TMEM223: variants seen among roughly 807,000 people sequenced by gnomAD.
TMEM223 encodes transmembrane protein 223.
TMEM223 carries 14 observed loss-of-function variants against 14.1 expected under a neutral mutation model. The ratio of observed to expected loss-of-function variants is 0.99; its 90% CI spans 0.66 to 1.55. The LOEUF (loss-of-function observed/expected upper bound fraction) is 1.55, where lower values mean the gene tolerates loss of function less well. TMEM223 is among the 40% of genes most tolerant of loss of function. The pLI is 0.00. For missense variants in TMEM223, 346 were observed against 269.9 expected (o/e 1.28, Z -1.97); for synonymous variants, 145 against 120.5 (o/e 1.20, Z -1.33).
At position 62,777,007 on chromosome 11, in the gene TMEM223, C is replaced by T. The variant is rs1334932822; in HGVS notation, c.315-2342G>A. Among the ~76,000 whole-genome samples the T allele has an allele frequency of 3.9e-5, 6 of 151,974 alleles. No homozygotes were observed. In the East Asian group the frequency reaches 5.8e-4, roughly 15 times the overall value. ...ACTAAAAATACAAAAATTAGCTGGC[C>T]GTGGCGGTGGGCGCCTGTAACCCCA... On this transcript the variant is annotated intron_variant, in intron 1 of 2. Transcript: ENST00000528367.
chr11:62,786,505 T>C (rs757328404), downstream of TMEM223: 18 of 1,564,978 alleles, frequency 1.2e-5, no homozygotes, highest in Non-Finnish European at 1.6e-5. Context: ...TCTTAGTCCT[T>C]GGCTCTTACA....
chr11:62,782,133 C>T (rs940505482), intron 1 of TMEM223: 6 of 1,610,682 alleles, frequency 3.7e-6, no homozygotes, highest in Non-Finnish European at 5.1e-6. Context: ...TAAGCCATGA[C>T]CTGGAGCAAC....
At chr11:62,787,263 G>C, downstream of TMEM223, 1 of 1,561,740 alleles carries the variant, frequency 6.4e-7, no homozygotes, top group South Asian at 1.1e-5. Context: ...GCCGGTGGGC[G>C]CTCTCGGACT....
chr11:62,789,745 G>GTATT, downstream of TMEM223: 4 of 1,505,488 alleles, frequency 2.7e-6, no homozygotes, highest in South Asian at 5.2e-5. Flanking sequence ...GCTCACCAGT[G>GTATT]TATTGTGAGC....
chr11:62,791,744 C>G lies in TMEM223; in HGVS notation c.251G>C (p.Arg84Pro). ...VQPLDAEVPNRGPFDLRSALW... is the reference protein window; with the variant it reads ...VQPLDAEVPNPGPFDLRSALW... ...CGCGGAGCGCAGGTCGAAGGGGCCA[C>G]GATTTGGGACCTCCGCATCCAGAGG... Residue 84 changes from arginine to proline, a missense_variant, in exon 1 of 2, where the codon CGT (arginine) becomes CCT (proline). Coordinates refer to ENST00000307366, the MANE Select transcript of TMEM223 (RefSeq NM_001080501.3). 6.4e-7 allele frequency: 1 copy of G among 1,561,882 alleles called. No homozygotes were observed. The highest frequency in any genetic ancestry group is 8.7e-7 in the Non-Finnish European group (1 of 1,153,578).
At chr11:62,789,393 G>T, downstream of TMEM223, 1 of 1,613,884 alleles carries the variant, frequency 6.2e-7, no homozygotes, top group Non-Finnish European at 8.5e-7. Context: ...AGGTCTCTCT[G>T]CAACTCCATC....
At chr11:62,784,758 C>G (rs2134723498), downstream of TMEM223, among the ~76,000 whole-genome samples, 1 of 152,276 alleles carries the variant, frequency 6.6e-6, no homozygotes, top group African/African-American at 2.4e-5. Context: ...CCATGATACA[C>G]TAAACTATGT....
downstream of TMEM223, chr11:62,787,674 G>A: frequency 9.3e-7 from 1 of 1,075,888 alleles, no homozygotes; most frequent in South Asian, 1.6e-5. Context: ...TACCTGAAAT[G>A]CAGCGAGGCT....
chr11:62,790,153 TGGG>T lies in TMEM223; in HGVS notation c.*467_*469del. 2.1e-6 allele frequency: 1 copy of T among 482,490 alleles called. No homozygotes were observed. Among genetic ancestry groups the T allele is most frequent in the Non-Finnish European group, 3.3e-6 (1 of 305,348 alleles). 29.9% of individuals were successfully genotyped at this position (482,490 alleles called of 1,614,324 possible). ...TTGGGAGTCTTAGTTTTCCTTTCGT[TGGG>T]GGGTGGGGGGGAAACATAATGACAG... On this transcript the variant is annotated 3_prime_UTR_variant, in exon 2 of 2. Transcript: ENST00000307366.
At position 62,790,868 on chromosome 11, in the gene TMEM223, GCA is replaced by G. The variant is rs554905664; in HGVS notation, c.362_363del (p.Val121AlafsTer41). 3.6e-5 allele frequency: 58 copies of G among 1,603,606 alleles called. No individual in the cohort carries two copies. In the African/African-American group the frequency reaches 6.4e-4, roughly 18 times the overall value. The stretch of plus-strand genomic sequence containing the variant: ...CCTCCAGCTCGAAGCACCACTGAGC[GCA>G]CAGACCGGAGAGAGAAGAGAAGACC... The part of the protein sequence containing the change: ...GAGLLFSLRS[V>X]RSVVLRAGGQ... On this transcript the variant is annotated frameshift_variant, in exon 2 of 2. Coordinates refer to ENST00000307366, the MANE Select transcript of TMEM223 (RefSeq NM_001080501.3). LOFTEE classifies it high-confidence loss of function.
intron 1 of TMEM223, chr11:62,778,931 G>T: frequency 6.2e-7 from 1 of 1,614,094 alleles, no homozygotes; most frequent in Non-Finnish European, 8.5e-7. Context: ...GGTGACTCGT[G>T]CTGTGCTAGG....
downstream of TMEM223, among the ~76,000 whole-genome samples, chr11:62,783,463 C>T (rs893657822): frequency 1.8e-4 from 27 of 146,068 alleles, no homozygotes; most frequent in Non-Finnish European, 3.6e-4. Context: ...GCCTGGGCGA[C>T]AGAGCGAGAC....
At chr11:62,779,970 A>T (rs995399718) in intron 1 of TMEM223, among the ~76,000 whole-genome samples, 13 of 64,406 alleles carry the variant, frequency 2.0e-4, no homozygotes, top group African/African-American at 2.7e-4. Context: ...ATATATATAT[A>T]TATATATTTT....
At chr11:62,789,144 T>TGGCCCTCTA, downstream of TMEM223, 1 of 1,614,200 alleles carries the variant, frequency 6.2e-7, no homozygotes, top group Non-Finnish European at 8.5e-7. Context: ...TCTGGCCTCT[T>TGGCCCTCTA]GGCCCTCTAC....
rs2084185324 is a variant in TMEM223 at position 62,775,995 on chromosome 11, C to G, written c.315-1330G>C. On this transcript the variant is annotated intron_variant, in intron 1 of 2. Transcript: ENST00000528367. ...GTTTCTGCCTTTTTACTAACCTCCA[C>G]CCTCGCTGATTTATTCAAGTGTACA... 13 of 1,530,542 alleles carry G rather than the reference C, an allele frequency of 8.5e-6. No individual in the cohort carries two copies. The Admixed American group carries it at 2.0e-4, about 24-fold the overall frequency. 94.8% of individuals were successfully genotyped at this position (1,530,542 alleles called of 1,614,324 possible).
intron 1 of TMEM223, chr11:62,778,998 GA>G (rs2084207615): frequency 7.5e-7 from 1 of 1,338,190 alleles, no homozygotes; most frequent in South Asian, 1.2e-5. Flanking sequence ...GCACAAAGTT[GA>G]AATTGTAAAT....
chr11:62,778,193 G>A (rs890998829), intron 1 of TMEM223: 3 of 1,613,656 alleles, frequency 1.9e-6, no homozygotes, highest in Non-Finnish European at 2.5e-6. Context: ...GTGGTGATGG[G>A]CTGGCTGGTG....
At chr11:62,782,479 GAC>G in intron 1 of TMEM223, 3 of 1,037,342 alleles carry the variant, frequency 2.9e-6, no homozygotes, top group Non-Finnish European at 4.2e-6. Flanking sequence ...GGTGTGCTGT[GAC>G]ACACTGGGAT....
chr11:62,772,131 G>T, exon 3 of TMEM223: 1 of 456,224 alleles, frequency 2.2e-6, no homozygotes, highest in Non-Finnish European at 4.4e-6. Flanking sequence ...TGATTTCCTT[G>T]CCTGTGAAAT....
Sources: gnomAD v4.1 joint callset for allele counts (sites outside exome capture counted in the v4.1 genomes callset) on GRCh38, gnomAD v4.1.1 for gene constraint, MANE v1.5 for transcripts, NCBI Gene and HGNC (gene_info 2026-07-23, HGNC 2026-07-21) for gene names.